Variants in C11orf65 observed in about 807,000 individuals in gnomAD.
The protein encoded by C11orf65 is protein MFI.
A neutral mutation model predicts 35.3 loss-of-function variants in C11orf65; 38 were observed. The observed-to-expected ratio is 1.08, with a 90% confidence interval of 0.83 to 1.41. C11orf65 has a LOEUF of 1.41. Ranked by LOEUF, C11orf65 falls within the 40% of genes most tolerant of loss-of-function variation. The pLI is 0.00. For missense variants in C11orf65, 370 were observed against 367.1 expected (o/e 1.01, Z -0.06); for synonymous variants, 105 against 114.4 (o/e 0.92, Z 0.53).
At chr11:108,327,455 CAG>C (rs1163225754), downstream of C11orf65, 3 of 548,706 alleles carry the variant, frequency 5.5e-6, no homozygotes, top group African/African-American at 1.9e-5. Flanking sequence ...TAATAATAAA[CAG>C]AGGATGATCA....
intron 2 of C11orf65, among the ~76,000 whole-genome samples, chr11:108,455,908 C>T (rs1210498007): frequency 2.0e-5 from 3 of 149,690 alleles, no homozygotes; most frequent in Non-Finnish European, 4.4e-5. Flanking sequence ...AATCCCAGAA[C>T]TTTGGGAGGC....
chr11:108,418,777 G>A (rs1807172534), intron 3 of C11orf65, among the ~76,000 whole-genome samples: 5 of 151,884 alleles, frequency 3.3e-5, no homozygotes, highest in Admixed American at 3.3e-4. Context: ...AAAAAAAGAG[G>A]AGATGCAAAT....
chr11:108,447,675 G>T (rs1006054045), intron 2 of C11orf65, among the ~76,000 whole-genome samples: 11 of 152,024 alleles, frequency 7.2e-5, no homozygotes, highest in South Asian at 2.1e-4. Context: ...GCCCACAAGA[G>T]AAAGCAGGAA....
chr11:108,439,036 A>G (rs1362815297), intron 2 of C11orf65, among the ~76,000 whole-genome samples: 1 of 152,130 alleles, frequency 6.6e-6, no homozygotes, highest in African/African-American at 2.4e-5. Context: ...TTTGTGCATC[A>G]AAGGACACTA....
At chr11:108,334,503 TAAGTTTAG>T (rs2136635769) in intron 3 of C11orf65, among the ~76,000 whole-genome samples, 1 of 152,322 alleles carries the variant, frequency 6.6e-6, no homozygotes, top group African/African-American at 2.4e-5. Context: ...ATAAGGGTTA[TAAGTTTAG>T]AAAATGATCA....
intron 2 of C11orf65, chr11:108,335,752 T>C: frequency 1.1e-6 from 1 of 883,180 alleles, no homozygotes; most frequent in Non-Finnish European, 1.9e-6. Flanking sequence ...GATGCTCAGA[T>C]TGGTTTGAGT....
intron 2 of C11orf65, among the ~76,000 whole-genome samples, chr11:108,448,739 T>A (rs1463370788): frequency 1.3e-5 from 2 of 152,154 alleles, no homozygotes; most frequent in East Asian, 3.9e-4. Flanking sequence ...CAGGATGCCC[T>A]CTCTCACCAC....
intron 1 of C11orf65, among the ~76,000 whole-genome samples, chr11:108,461,776 C>T (rs2093476690): frequency 6.6e-6 from 1 of 151,978 alleles, no homozygotes; most frequent in Non-Finnish European, 1.5e-5. Context: ...TGTAGGCGTG[C>T]ACCATCACAC....
intron 7 of C11orf65, among the ~76,000 whole-genome samples, chr11:108,387,938 A>G (rs183995290): frequency 9.9e-4 from 151 of 152,290 alleles, no homozygotes; most frequent in African/African-American, 3.3e-3. Context: ...TCAATAGGAT[A>G]CTGCTGGGTG....
At chr11:108,310,503 G>A (rs1471231725) in intron 6 of C11orf65, among the ~76,000 whole-genome samples, 1 of 151,988 alleles carries the variant, frequency 6.6e-6, no homozygotes, top group African/African-American at 2.4e-5. Context: ...TGAAATAATA[G>A]GAATGCTTAT....
intron 2 of C11orf65, among the ~76,000 whole-genome samples, chr11:108,344,881 G>A (rs2088107233): frequency 6.6e-6 from 1 of 152,004 alleles, no homozygotes; most frequent in South Asian, 2.1e-4. Context: ...GCACATGCCT[G>A]TAATCCCAGC....
intron 1 of C11orf65, among the ~76,000 whole-genome samples, chr11:108,464,860 T>TA (rs1223160973): frequency 1.3e-5 from 2 of 151,752 alleles, no homozygotes; most frequent in African/African-American, 2.4e-5. Flanking sequence ...ATAACTTCAT[T>TA]AAAAAAAACA....
At chr11:108,462,948 C>T (rs1170468180) in intron 1 of C11orf65, among the ~76,000 whole-genome samples, 1 of 151,940 alleles carries the variant, frequency 6.6e-6, no homozygotes, top group Non-Finnish European at 1.5e-5. Context: ...AGCGAGACCC[C>T]CATCTCTACA....
intron 2 of C11orf65, among the ~76,000 whole-genome samples, chr11:108,341,792 A>G (rs567790473): frequency 3.9e-5 from 6 of 152,214 alleles, no homozygotes; most frequent in Non-Finnish European, 8.8e-5. Flanking sequence ...GTGAAATACT[A>G]TTACCCTCAG....
At chr11:108,433,995 TG>T (rs1357288389) in intron 2 of C11orf65, among the ~76,000 whole-genome samples, 1 of 152,212 alleles carries the variant, frequency 6.6e-6, no homozygotes, top group African/African-American at 2.4e-5. Flanking sequence ...ACAAGTGGTC[TG>T]GGGAAGAGGT....
chr11:108,353,693 A>G, intron 2 of C11orf65: 1 of 1,244,974 alleles, frequency 8.0e-7, no homozygotes, highest in Admixed American at 1.7e-5. Context: ...GCCTTTGTAA[A>G]GTTCACATTC....
intron 2 of C11orf65, chr11:108,354,671 G>A (rs980818996): frequency 3.9e-5 from 31 of 804,950 alleles, no homozygotes; most frequent in Admixed American, 9.2e-5. Flanking sequence ...ACTCTGCCAA[G>A]TATTATGCTA....
chr11:108,326,449 A>G (rs1431706152), downstream of C11orf65, among the ~76,000 whole-genome samples: 6 of 152,180 alleles, frequency 3.9e-5, no homozygotes, highest in Non-Finnish European at 7.3e-5. Context: ...GATTCATTTA[A>G]TATATCCCAG....
At position 108,461,036 on chromosome 11, in the gene C11orf65, T is replaced by G. The variant is rs1011478696; in HGVS notation, c.81+443A>C. ...CACCACGCCCGGCCAAAAAGTCTGC[T>G]TTTTAAAGTGAAGAATGGCACACAA... is the stretch of plus-strand genomic sequence containing the variant. On this transcript the variant is annotated intron_variant, in intron 2 of 8. Transcript: ENST00000393084. 4.6e-5 allele frequency among the ~76,000 whole-genome samples: 7 copies of G among 152,178 alleles called. 1 individual carries two copies. Among genetic ancestry groups the G allele is most frequent in the African/African-American group, 1.7e-4 (7 of 41,542 alleles).
Sources: allele counts gnomAD v4.1 joint callset (sites outside exome capture counted in the v4.1 genomes callset), GRCh38; gene constraint gnomAD v4.1.1; transcripts MANE v1.5; gene names NCBI Gene and HGNC (gene_info 2026-07-23, HGNC 2026-07-21).